The following TMEM266 variants were observed in gnomAD, a reference collection of about 807,000 sequenced individuals.
The protein encoded by TMEM266 is transmembrane protein 266.
TMEM266 carries 33 observed loss-of-function variants against 50.5 expected under a neutral mutation model. The ratio of observed to expected loss-of-function variants is 0.65; its 90% CI spans 0.50 to 0.87. TMEM266 has a LOEUF of 0.87. TMEM266 is among the 40% of genes least tolerant of loss of function. The pLI, the probability that TMEM266 is intolerant of heterozygous loss-of-function variation, is 0.00. For missense variants in TMEM266, 655 were observed against 695.1 expected (o/e 0.94, Z 0.65); for synonymous variants, 310 against 292.3 (o/e 1.06, Z -0.62).
chr15:76,107,132 A>C (rs2037094336), intron 1 of TMEM266, among the ~76,000 whole-genome samples: 1 of 152,266 alleles, frequency 6.6e-6, no homozygotes, highest in South Asian at 2.1e-4. Context: ...AAAAAGTGAA[A>C]AGAAACAGGT....
At chr15:76,185,365 A>G (rs764508944) in intron 8 of TMEM266, among the ~76,000 whole-genome samples, 2 of 152,066 alleles carry the variant, frequency 1.3e-5, no homozygotes, top group Admixed American at 6.5e-5. Context: ...ATGTTTTTCT[A>G]TAGACCTGTC....
intron 1 of TMEM266, among the ~76,000 whole-genome samples, chr15:76,093,452 T>C (rs2141999380): frequency 6.6e-6 from 1 of 152,174 alleles, no homozygotes; most frequent in African/African-American, 2.4e-5. Flanking sequence ...TCCATGTCCC[T>C]GCAAAGGACA....
rs1004540278 is a variant in TMEM266 at position 76,160,522 on chromosome 15, G to A, written c.456+354G>A. Among the ~76,000 whole-genome samples the A allele has an allele frequency of 6.6e-6, 1 of 152,232 alleles. No homozygotes were observed. The highest frequency in any genetic ancestry group is 2.4e-5 in the African/African-American group (1 of 41,460). ...CAGTAAGGAGCGGGCGGGAGGTGAG[G>A]CTGAAGCCAGGTGCCCACACAGGGA... is the stretch of plus-strand genomic sequence containing the variant. On this transcript the variant is annotated intron_variant, in intron 5 of 10. Coordinates refer to ENST00000388942, the MANE Select transcript of TMEM266 (RefSeq NM_152335.3). This position sits in a 1 kb window ranked among gnomAD's most constrained non-coding sequence, Gnocchi z 5.7.
At chr15:76,158,618 C>T (rs763962456) in intron 4 of TMEM266, among the ~76,000 whole-genome samples, 9 of 152,026 alleles carry the variant, frequency 5.9e-5, no homozygotes, top group Non-Finnish European at 1.2e-4. Context: ...ATCTTAAATT[C>T]CATAAAACGC....
intron 1 of TMEM266, among the ~76,000 whole-genome samples, chr15:76,105,930 A>G (rs1247572616): frequency 6.6e-6 from 1 of 152,218 alleles, no homozygotes; most frequent in African/African-American, 2.4e-5. Context: ...TGTACAGGGA[A>G]GGTTTTCATA....
At chr15:76,177,523 A>G (rs914462500) in intron 8 of TMEM266, among the ~76,000 whole-genome samples, 12 of 152,190 alleles carry the variant, frequency 7.9e-5, no homozygotes, top group Non-Finnish European at 1.5e-4. Flanking sequence ...CTGTCAGGAA[A>G]CCAATCTTTT....
chr15:76,204,359 A>C lies in TMEM266; in HGVS notation c.*44A>C. ...TGAGATGAGGGGAGACAGCCATCTC[A>C]AAGCTCTCCTGGGACCCTGGAGGCT... is the stretch of plus-strand genomic sequence containing the variant. On this transcript the variant is annotated 3_prime_UTR_variant, in exon 11 of 11. Coordinates refer to ENST00000388942, the MANE Select transcript of TMEM266 (RefSeq NM_152335.3). The C allele has an allele frequency of 3.3e-6, 5 of 1,535,118 alleles. No individual in the cohort carries two copies. The highest frequency in any genetic ancestry group is 3.5e-6 in the Non-Finnish European group (4 of 1,131,456).
chr15:76,086,666 A>C (rs2036781200), intron 1 of TMEM266, among the ~76,000 whole-genome samples: 1 of 152,208 alleles, frequency 6.6e-6, no homozygotes, highest in Admixed American at 6.5e-5. Flanking sequence ...AACCCTATGT[A>C]AATGAAGTAG....
intron 1 of TMEM266, chr15:76,112,515 T>C (rs1487664393): frequency 1.3e-5 from 2 of 152,204 alleles, no homozygotes; most frequent in African/African-American, 4.8e-5. Context: ...GATCAGTTGC[T>C]GGACGATTGC....
chr15:76,098,895 C>A (rs1415905617), intron 1 of TMEM266, among the ~76,000 whole-genome samples: 4 of 152,174 alleles, frequency 2.6e-5, no homozygotes. Flanking sequence ...ACTGCCTACT[C>A]AAGCCTTAGC....
At chr15:76,154,991 TATC>T (rs562161778) in intron 3 of TMEM266, among the ~76,000 whole-genome samples, 170 of 152,356 alleles carry the variant, frequency 1.1e-3, no homozygotes, top group African/African-American at 3.6e-3. Flanking sequence ...TCAGATATTT[TATC>T]ATCATCGTCG....
intron 5 of TMEM266, among the ~76,000 whole-genome samples, chr15:76,166,558 C>T (rs2038099728): frequency 6.6e-6 from 1 of 152,220 alleles, no homozygotes; most frequent in Non-Finnish European, 1.5e-5. Flanking sequence ...CATTCAGCCC[C>T]TTTCCTTCCC....
intron 1 of TMEM266, among the ~76,000 whole-genome samples, chr15:76,060,737 G>A (rs765371675): frequency 2.0e-5 from 3 of 152,166 alleles, no homozygotes; most frequent in African/African-American, 4.8e-5. Context: ...AACTCATTAC[G>A]GTTTTGCATC....
intron 8 of TMEM266, among the ~76,000 whole-genome samples, chr15:76,177,082 C>A (rs551592632): frequency 6.6e-6 from 1 of 152,290 alleles, no homozygotes; most frequent in South Asian, 2.1e-4. Context: ...CATGTTCCCC[C>A]CGCCAGTAGC....
chr15:76,135,143 T>C (rs1451437694), intron 2 of TMEM266, among the ~76,000 whole-genome samples: 1 of 152,270 alleles, frequency 6.6e-6, no homozygotes, highest in Non-Finnish European at 1.5e-5. Flanking sequence ...GGCTGAATGC[T>C]GAATCAAGCG....
chr15:76,106,796 C>CTAA (rs1385869537), intron 1 of TMEM266, among the ~76,000 whole-genome samples: 1 of 152,178 alleles, frequency 6.6e-6, no homozygotes, highest in Non-Finnish European at 1.5e-5. Flanking sequence ...CTAGATCAAG[C>CTAA]TAATTATCAT....
At chr15:76,172,381 A>G (rs914336560) in intron 7 of TMEM266, among the ~76,000 whole-genome samples, 16 of 152,326 alleles carry the variant, frequency 1.1e-4, no homozygotes, top group African/African-American at 3.4e-4. Flanking sequence ...GATAGATGCT[A>G]TGGTCTTTTC....
intron 8 of TMEM266, among the ~76,000 whole-genome samples, chr15:76,179,816 C>T (rs1004363510): frequency 2.6e-5 from 4 of 152,120 alleles, no homozygotes; most frequent in South Asian, 2.1e-4. Flanking sequence ...TGGCCTGGCG[C>T]GATGGCTCAC....
intron 1 of TMEM266, among the ~76,000 whole-genome samples, chr15:76,118,525 C>G (rs890813205): frequency 6.6e-6 from 1 of 152,234 alleles, no homozygotes; most frequent in Non-Finnish European, 1.5e-5. Flanking sequence ...CACCACTGCA[C>G]TCCAGCCTGG....
Sources: allele counts gnomAD v4.1 joint callset (sites outside exome capture counted in the v4.1 genomes callset), GRCh38; gene constraint gnomAD v4.1.1; non-coding constraint Gnocchi (gnomAD v3.1); transcripts MANE v1.5; gene names NCBI Gene and HGNC (gene_info 2026-07-23, HGNC 2026-07-21).